Variants in JADE3 observed in about 807,000 individuals in gnomAD.
JADE3 encodes the protein jade family PHD finger 3, also known as protein Jade-3.
Under a neutral mutation model 50.1 loss-of-function variants are expected in JADE3, and 2 were observed. The observed-to-expected ratio is 0.04, with a 90% confidence interval of 0.02 to 0.13. The LOEUF is 0.13. Ranked by LOEUF, JADE3 falls within the 10% of genes least tolerant of loss-of-function variation. The pLI is 1.00. For missense variants in JADE3, 475 were observed against 634.4 expected (o/e 0.75, Z 2.70); for synonymous variants, 218 against 232.9 (o/e 0.94, Z 0.58).
At position 47,058,629 on chromosome X, in the gene JADE3, G is replaced by C; in HGVS notation, c.2024G>C (p.Gly675Ala). The stretch of plus-strand genomic sequence containing the variant: ...AATGGCCTGGAGGGCAGCTGGTCTG[G>C]GAATGTCACCCAAAAAGACAGCTCG... ...KSNGLEGSWS[G>A]NVTQKDSSSE... Residue 675 changes from glycine to alanine, a missense_variant, in exon 11 of 11, where the codon GGG (glycine) becomes GCG (alanine). Transcript: ENST00000614628. 2 of 1,211,493 alleles carry C rather than the reference G, an allele frequency of 1.7e-6. No individual in the cohort carries two copies. Among genetic ancestry groups the C allele is most frequent in the Non-Finnish European group, 1.1e-6 (1 of 895,434 alleles).
intron 1 of JADE3, among the ~76,000 whole-genome samples, chrX:46,935,672 C>T (rs1556340795): frequency 9.1e-6 from 1 of 110,466 alleles, no homozygotes; most frequent in Non-Finnish European, 1.9e-5. Flanking sequence ...AAATCATCCT[C>T]CCTTCCCCCG....
Position 47,058,591 on chromosome X carries a change from G to T in JADE3, c.1986G>T (p.Lys662Asn), listed in dbSNP as rs782348302. 8.3e-7 allele frequency: 1 copy of T among 1,211,122 alleles called. No individual in the cohort carries two copies. The highest frequency in any genetic ancestry group is 1.8e-5 in the South Asian group (1 of 56,834). Residue 662 changes from lysine to asparagine, a missense_variant, in exon 11 of 11, where the codon AAG (lysine) becomes AAT (asparagine). Around this residue, in one of 6 missense-constraint regions of JADE3, gnomAD observed 243 missense variants for 238.2 expected, o/e 1.02. Transcript: ENST00000614628. ...IGNGKSQPNS[K>N]FAKSNGLEGS... ...ATGGGAAAAGTCAGCCTAACTCCAA[G>T]TTTGCCAAATCCAATGGCCTGGAGG...
intron 1 of JADE3, among the ~76,000 whole-genome samples, chrX:46,918,910 A>G (rs1926162948): frequency 8.9e-6 from 1 of 112,729 alleles, no homozygotes; most frequent in Non-Finnish European, 1.9e-5. Flanking sequence ...GGCCAAGCCC[A>G]GAGTCATTGT....
At chrX:46,998,310 A>G in intron 4 of JADE3, 33 bp downstream of exon 4, 1 of 1,161,978 alleles carries the variant, frequency 8.6e-7, no homozygotes, top group Non-Finnish European at 1.2e-6. Context: ...GACTTAGGGA[A>G]TGAATGCTCT....
At chrX:46,921,888 ACGTG>A (rs1556337788) in intron 1 of JADE3, among the ~76,000 whole-genome samples, 1 of 106,316 alleles carries the variant, frequency 9.4e-6, no homozygotes, top group Non-Finnish European at 1.9e-5. Flanking sequence ...TGCCTGGCTT[ACGTG>A]ATTTCTGATG....
chrX:46,962,180 T>C (rs942467001), intron 1 of JADE3, among the ~76,000 whole-genome samples: 34 of 111,550 alleles, frequency 3.0e-4, no homozygotes, highest in African/African-American at 1.0e-3. Flanking sequence ...TAGTCACATA[T>C]GCAGGGGTAG....
rs1346929412 is a variant in JADE3, at chrX:46,998,100, T to TA, written c.127-19dup. 2.5e-6 allele frequency: 3 copies of TA among 1,183,329 alleles called. No individual in the cohort carries two copies. The highest frequency in any genetic ancestry group is 3.4e-6 in the Non-Finnish European group (3 of 874,180). The stretch of plus-strand genomic sequence containing the variant: ...TTGCATAGTGATGGTCTTCTCAAGA[T>TA]ATGTGCAATATCTTTCCAGGTATTC... On this transcript the variant is annotated intron_variant, in intron 3 of 10. Transcript: ENST00000614628.
intron 1 of JADE3, among the ~76,000 whole-genome samples, chrX:46,929,470 A>G (rs1556339495): frequency 9.0e-6 from 1 of 111,417 alleles, no homozygotes; most frequent in African/African-American, 3.3e-5. Context: ...CTTTAGGGTA[A>G]TTGTCTCTAG....
chrX:46,974,007 G>A (rs903194695), intron 1 of JADE3, among the ~76,000 whole-genome samples: 5 of 111,851 alleles, frequency 4.5e-5, no homozygotes, highest in Middle Eastern at 9.2e-3. Context: ...TTGAACCAGG[G>A]AGGCGGAGGT....
At chrX:47,026,957 G>A (rs184761460) in intron 5 of JADE3, among the ~76,000 whole-genome samples, 2 of 111,777 alleles carry the variant, frequency 1.8e-5, no homozygotes, top group African/African-American at 6.5e-5. Flanking sequence ...ACTTGTCTTG[G>A]CTGGAAAAAT....
Position 47,054,388 on chromosome X carries a change from G to A in JADE3, c.1203G>A (p.Arg401=), listed in dbSNP as rs1929588409. ...CCAGCCTGCGGGCACAGAAGCTTCG[G>A]GAGCTGGAGGAGGAGTTCTATTCCT... ...EKTSLRAQKL[R]ELEEEFYSLV... is the part of the protein sequence containing the mutation. The change falls in exon 9 of 11, where the codon CGG becomes CGA. Residue 401 remains arginine, a synonymous_variant. Transcript: ENST00000614628. 2 of 1,211,224 alleles carry A rather than the reference G, an allele frequency of 1.7e-6. No individual in the cohort carries two copies. Among genetic ancestry groups the A allele is most frequent in the African/African-American group, 1.7e-5 (1 of 57,797 alleles).
rs181239400 is a variant in JADE3 at position 47,003,467 on chromosome X, A to G, written c.284+5190A>G. On this transcript the variant is annotated intron_variant, in intron 4 of 10. Transcript: ENST00000614628. ...CACCAAGTTGATCAGGGATTATATT[A>G]TATTTTTATACTGCTTGATTTGACT... 1.8e-4 allele frequency among the ~76,000 whole-genome samples: 20 copies of G among 108,583 alleles called. No individual in the cohort carries two copies. In the Admixed American group the frequency reaches 2.1e-3, roughly 11 times the overall value. The allele number at this position is 108,583 out of a possible 115,157, so 94.3% of individuals were successfully genotyped here.
intron 10 of JADE3, among the ~76,000 whole-genome samples, chrX:47,056,552 C>G (rs1929635886): frequency 8.9e-6 from 1 of 111,939 alleles, no homozygotes; most frequent in Non-Finnish European, 1.9e-5. Flanking sequence ...ACACTTAATT[C>G]TAGGGTTACT....
At chrX:46,956,411 T>C (rs1227643244) in intron 1 of JADE3, among the ~76,000 whole-genome samples, 2 of 113,046 alleles carry the variant, frequency 1.8e-5, no homozygotes, top group Non-Finnish European at 3.7e-5. Context: ...TAACAACTTA[T>C]TTCAAGGATT....
intron 4 of JADE3, among the ~76,000 whole-genome samples, chrX:47,003,788 T>A (rs1928346555): frequency 9.9e-6 from 1 of 100,909 alleles, no homozygotes; most frequent in Non-Finnish European, 2.0e-5. Flanking sequence ...TTATATATGT[T>A]TTATATATAA....
At chrX:46,951,719 T>G (rs1728000933) in intron 1 of JADE3, among the ~76,000 whole-genome samples, 1 of 111,118 alleles carries the variant, frequency 9.0e-6, no homozygotes, top group Non-Finnish European at 1.9e-5. Context: ...TTTTCCAATC[T>G]TTTTTTCGTT....
At chrX:46,960,691 T>C (rs1556347477) in intron 1 of JADE3, among the ~76,000 whole-genome samples, 1 of 112,248 alleles carries the variant, frequency 8.9e-6, no homozygotes, top group East Asian at 2.8e-4. Context: ...CCTTACAGTG[T>C]AATAAATCAT....
At chrX:47,048,687 A>G (rs1330052284) in intron 8 of JADE3, among the ~76,000 whole-genome samples, 1 of 111,961 alleles carries the variant, frequency 8.9e-6, no homozygotes, top group African/African-American at 3.2e-5. Flanking sequence ...AGTTGGTAAC[A>G]GGGAGTAACT....
chrX:46,960,654 T>C (rs985413573), intron 1 of JADE3, among the ~76,000 whole-genome samples: 2 of 111,861 alleles, frequency 1.8e-5, no homozygotes, highest in South Asian at 3.8e-4. Context: ...CCATGAGCCT[T>C]TTCCCTTTGC....
Sources: gnomAD v4.1 joint callset for allele counts (sites outside exome capture counted in the v4.1 genomes callset) on GRCh38, gnomAD v4.1.1 for gene constraint, gnomAD v4.1.1 regional missense constraint, MANE v1.5 for transcripts, NCBI Gene and HGNC (gene_info 2026-07-23, HGNC 2026-07-21) for gene names.